Variants in CCSER1 observed in about 807,000 individuals in gnomAD.
CCSER1 encodes coiled-coil serine rich protein 1, also known as serine-rich coiled-coil domain-containing protein 1.
Under a neutral mutation model 82.0 loss-of-function variants are expected in CCSER1, and 41 were observed. That is an observed-to-expected ratio of 0.50 (90% confidence interval 0.39 to 0.65). CCSER1 has a LOEUF of 0.65. CCSER1 is among the 30% of genes least tolerant of loss of function. The pLI is 0.00. For synonymous variants in CCSER1, 414 were observed against 383.9 expected, an observed-to-expected ratio of 1.08 and a Z score of -0.92; for missense variants, 1,119 against 1,064.2, an observed-to-expected ratio of 1.05 and a Z score of -0.72.
intron 10 of CCSER1, among the ~76,000 whole-genome samples, chr4:91,357,572 A>G (rs1265996510): frequency 6.6e-6 from 1 of 152,108 alleles, no homozygotes; most frequent in East Asian, 1.9e-4. Context: ...GTAGGTAAAA[A>G]TCTACATTAT....
At chr4:91,182,985 G>C (rs1395165140) in intron 10 of CCSER1, among the ~76,000 whole-genome samples, 2 of 152,182 alleles carry the variant, frequency 1.3e-5, no homozygotes, top group African/African-American at 4.8e-5. Context: ...GCATTAACAT[G>C]GGTTAAATTG....
intron 9 of CCSER1, among the ~76,000 whole-genome samples, chr4:90,986,832 C>A (rs1736615493): frequency 6.6e-6 from 1 of 151,654 alleles, no homozygotes; most frequent in Non-Finnish European, 1.5e-5. Flanking sequence ...TTGCTAAACT[C>A]CCCATAACAA....
chr4:91,019,373 T>A (rs1739719647), intron 9 of CCSER1, among the ~76,000 whole-genome samples: 1 of 152,138 alleles, frequency 6.6e-6, no homozygotes. Context: ...TAATTTTTCA[T>A]TACAGAAGAC....
At chr4:91,247,618 C>G (rs918347012) in intron 10 of CCSER1, among the ~76,000 whole-genome samples, 1 of 152,116 alleles carries the variant, frequency 6.6e-6, no homozygotes, top group African/African-American at 2.4e-5. Flanking sequence ...CCTGTAATCC[C>G]GGCACTTTGG....
chr4:91,598,547 T>C (rs1213214284), intron 10 of CCSER1, 25 bp from the exon 11 acceptor site: 11 of 1,519,916 alleles, frequency 7.2e-6, no homozygotes, highest in Non-Finnish European at 9.7e-6. Context: ...TTAAGACATC[T>C]TTTTCTTTCT....
chr4:91,576,238 T>C (rs574368746), intron 10 of CCSER1, among the ~76,000 whole-genome samples: 62 of 152,114 alleles, frequency 4.1e-4, no homozygotes, highest in African/African-American at 1.4e-3. Context: ...AAGAAGGGTA[T>C]TTTGTCATTT....
intron 9 of CCSER1, among the ~76,000 whole-genome samples, chr4:91,062,874 T>G (rs574903624): frequency 1.3e-5 from 2 of 152,260 alleles, no homozygotes; most frequent in South Asian, 4.1e-4. Context: ...TTAATATTGT[T>G]GTACCTTGTT....
chr4:91,346,392 T>C (rs1400984965), intron 10 of CCSER1, among the ~76,000 whole-genome samples: 1 of 152,192 alleles, frequency 6.6e-6, no homozygotes, highest in Non-Finnish European at 1.5e-5. Context: ...TATTCAAGGG[T>C]ATCTTGGATG....
At chr4:91,404,872 T>A (rs185269596) in intron 10 of CCSER1, among the ~76,000 whole-genome samples, 1 of 152,316 alleles carries the variant, frequency 6.6e-6, no homozygotes, top group African/African-American at 2.4e-5. Context: ...GTATATTCTG[T>A]TGATTTGGAG....
chr4:90,849,301 G>A lies in CCSER1; in HGVS notation c.2094+33456G>A, dbSNP rs549524503. Among the ~76,000 whole-genome samples, 26 of 152,328 alleles carry A rather than the reference G, an allele frequency of 1.7e-4. No homozygotes were observed. In the South Asian group the frequency reaches 4.8e-3, roughly 28 times the overall value. Reference sequence around the variant, plus strand: ...CAGATGGAGATGAGGAACTTGTTGGGAAGTGAAGTAAAGATCACTCTTGCT... The same window carrying A: ...CAGATGGAGATGAGGAACTTGTTGGAAAGTGAAGTAAAGATCACTCTTGCT... On this transcript the variant is annotated intron_variant, in intron 8 of 10. Transcript: ENST00000509176.
chr4:91,042,276 G>C (rs960346985), intron 9 of CCSER1, among the ~76,000 whole-genome samples: 53 of 152,214 alleles, frequency 3.5e-4, no homozygotes, highest in African/African-American at 1.2e-3. Flanking sequence ...TGCATCCAGC[G>C]TTCATTCGCC....
At chr4:90,708,411 A>G (rs181862143) in intron 6 of CCSER1, among the ~76,000 whole-genome samples, 3 of 152,270 alleles carry the variant, frequency 2.0e-5, no homozygotes, top group Admixed American at 1.3e-4. Context: ...CATTCACCCC[A>G]AATTTATTAG....
chr4:91,417,613 T>A (rs1753443383), intron 10 of CCSER1, among the ~76,000 whole-genome samples: 1 of 151,628 alleles, frequency 6.6e-6, no homozygotes, highest in African/African-American at 2.4e-5. Context: ...ACACTGCATG[T>A]TTTTACTTAT....
At chr4:90,960,233 A>G (rs1281736372) in intron 9 of CCSER1, among the ~76,000 whole-genome samples, 1 of 152,320 alleles carries the variant, frequency 6.6e-6, no homozygotes, top group Non-Finnish European at 1.5e-5. Context: ...ATCATGAAGC[A>G]TAGTTCAAGA....
intron 1 of CCSER1, among the ~76,000 whole-genome samples, chr4:90,306,087 T>C (rs1734220447): frequency 6.6e-6 from 1 of 152,132 alleles, no homozygotes; most frequent in Admixed American, 6.6e-5. Context: ...AAGACAAATA[T>C]TGCATGATCT....
At chr4:90,214,432 C>T (rs1740639666) in intron 1 of CCSER1, among the ~76,000 whole-genome samples, 1 of 152,118 alleles carries the variant, frequency 6.6e-6, no homozygotes, top group Admixed American at 6.5e-5. Context: ...CTGGAGAGCA[C>T]CCAGGGAAAC....
At chr4:90,163,185 T>C (rs1166872359) in intron 1 of CCSER1, among the ~76,000 whole-genome samples, 1 of 152,130 alleles carries the variant, frequency 6.6e-6, no homozygotes, top group Non-Finnish European at 1.5e-5. Flanking sequence ...TCTGACATTG[T>C]TAGTTTATGA....
intron 10 of CCSER1, among the ~76,000 whole-genome samples, chr4:91,337,863 GATCTT>G (rs1156895802): frequency 6.6e-6 from 1 of 152,100 alleles, no homozygotes; most frequent in Non-Finnish European, 1.5e-5. Flanking sequence ...ACACTTTAAA[GATCTT>G]ATCACGTTTA....
chr4:91,538,845 T>C (rs1761446064), intron 10 of CCSER1, among the ~76,000 whole-genome samples: 1 of 151,782 alleles, frequency 6.6e-6, no homozygotes, highest in South Asian at 2.1e-4. Context: ...GGAAGGCTGA[T>C]GCAAACCCTC....
Sources: gnomAD v4.1 joint callset for allele counts (sites outside exome capture counted in the v4.1 genomes callset) on GRCh38, gnomAD v4.1.1 for gene constraint, MANE v1.5 for transcripts, NCBI Gene and HGNC (gene_info 2026-07-23, HGNC 2026-07-21) for gene names.